The following AMD1 variants were observed in gnomAD, a reference collection of about 807,000 sequenced individuals.
The protein encoded by AMD1 is S-adenosylmethionine decarboxylase proenzyme.
AMD1 carries 11 observed loss-of-function variants against 40.2 expected under a neutral mutation model. The observed-to-expected ratio is 0.27, with a 90% CI of 0.17 to 0.45. The LOEUF is 0.45. Ranked by LOEUF, AMD1 falls within the 20% of genes least tolerant of loss-of-function variation. The pLI is 1.00. For synonymous variants in AMD1, 121 were observed against 130.8 expected, an observed-to-expected ratio of 0.93 and a Z score of 0.51; for missense variants, 257 against 410.2, an observed-to-expected ratio of 0.63 and a Z score of 3.23.
the AMD1 span, among the ~76,000 whole-genome samples, chr6:110,822,552 A>G: frequency 1.3e-5 from 2 of 152,318 alleles, no homozygotes; most frequent in Admixed American, 6.5e-5. Context: ...AACTCATTCT[A>G]TGAAGCCAGT....
the AMD1 span, among the ~76,000 whole-genome samples, chr6:110,861,367 A>G: frequency 6.6e-6 from 1 of 150,820 alleles, no homozygotes; most frequent in Admixed American, 6.6e-5. Flanking sequence ...CAAAAAAAAA[A>G]AAAAAAATTA....
the AMD1 span, among the ~76,000 whole-genome samples, chr6:110,835,682 A>G: frequency 0.012 from 1,877 of 152,182 alleles, 35 homozygotes; most frequent in African/African-American, 0.043. Flanking sequence ...CCTGGCCAAC[A>G]TGGTGAAATT....
the AMD1 span, among the ~76,000 whole-genome samples, chr6:110,836,505 A>G: frequency 9.9e-5 from 15 of 152,272 alleles, no homozygotes; most frequent in African/African-American, 3.6e-4. Flanking sequence ...AAAAAATTTG[A>G]CAAAATATTT....
upstream of AMD1, among the ~76,000 whole-genome samples, chr6:110,872,620 T>C (rs1784938113): frequency 6.6e-6 from 1 of 152,248 alleles, no homozygotes; most frequent in African/African-American, 2.4e-5. Flanking sequence ...AAGGGATTTT[T>C]ATTTTTATTA....
intron 1 of AMD1, among the ~76,000 whole-genome samples, chr6:110,886,110 C>A (rs745645289): frequency 1.3e-5 from 2 of 151,696 alleles, no homozygotes; most frequent in African/African-American, 4.8e-5. Context: ...CAAAAATTAG[C>A]CAGGTGTGGT....
rs397748331 is a variant in AMD1, at chr6:110,892,732, C to CCG, written c.616-3_616-2insCG. ...GTTAAACTCGGTCTTTTTCCCCCCC[C>CCG]AGGAGAGTGGAATTCGTGACCTGAT... On this transcript the variant is annotated splice_region_variant and splice_polypyrimidine_tract_variant and intron_variant, in intron 6 of 8. Transcript: ENST00000368885. 1 of 1,612,054 alleles carries CCG rather than the reference C, an allele frequency of 6.2e-7. No individual in the cohort carries two copies. The highest frequency in any genetic ancestry group is 1.7e-5 in the Admixed American group (1 of 59,948).
At chr6:110,882,237 G>A (rs139314254) in intron 1 of AMD1, among the ~76,000 whole-genome samples, 7 of 152,304 alleles carry the variant, frequency 4.6e-5, no homozygotes, top group East Asian at 3.9e-4. Flanking sequence ...TGGCTCTGTC[G>A]ACTGTATAAA....
the AMD1 span, among the ~76,000 whole-genome samples, chr6:110,824,814 C>T: frequency 6.6e-6 from 1 of 152,048 alleles, no homozygotes; most frequent in African/African-American, 2.4e-5. Context: ...GTAGAGTGAA[C>T]ATGAGAGCTA....
intron 1 of AMD1, among the ~76,000 whole-genome samples, chr6:110,883,741 G>A (rs986043395): frequency 1.3e-5 from 2 of 151,750 alleles, no homozygotes; most frequent in African/African-American, 2.4e-5. Flanking sequence ...ACAGGTGCCC[G>A]CCACCATGCC....
At chr6:110,885,465 C>T (rs928631324) in intron 1 of AMD1, among the ~76,000 whole-genome samples, 1 of 151,216 alleles carries the variant, frequency 6.6e-6, no homozygotes, top group Non-Finnish European at 1.5e-5. Flanking sequence ...GAGTCTCCCT[C>T]TGTTGCCCAG....
chr6:110,875,819 C>T (rs1438289348), intron 1 of AMD1, among the ~76,000 whole-genome samples: 1 of 152,096 alleles, frequency 6.6e-6, no homozygotes, highest in African/African-American at 2.4e-5. Flanking sequence ...GGGGATTGGG[C>T]GGGAGCAGTT....
the AMD1 span, among the ~76,000 whole-genome samples, chr6:110,867,465 A>C: frequency 6.6e-6 from 1 of 152,098 alleles, no homozygotes; most frequent in Non-Finnish European, 1.5e-5. Context: ...GGAGTTAGAG[A>C]CCAGCCTGGT....
At chr6:110,882,278 C>T (rs938024246) in intron 1 of AMD1, among the ~76,000 whole-genome samples, 1 of 152,316 alleles carries the variant, frequency 6.6e-6, no homozygotes, top group Non-Finnish European at 1.5e-5. Context: ...TTAATTTGAT[C>T]AGAAAGCAGA....
Position 110,888,948 on chromosome 6 carries a change from C to G in AMD1, c.289C>G (p.Leu97Val). ...GAAAGCACTGGTTCCCCTGTTGAAG[C>G]TTGCTAGGGATTACAGTGGGTTTGA... ...LLKALVPLLK[L>V]ARDYSGFDSI... The change falls in exon 3 of 9, where the codon CTT becomes GTT. Residue 97 changes from leucine to valine, a missense_variant. By Grantham distance (32) the Leu-to-Val change is conservative. This residue lies in a region of AMD1 where 192 missense variants were observed against 296.5 expected (regional missense o/e 0.65). Transcript: ENST00000368885. 4 of 1,613,990 alleles carry G rather than the reference C, an allele frequency of 2.5e-6. No homozygotes were observed. The highest frequency in any genetic ancestry group is 3.4e-6 in the Non-Finnish European group (4 of 1,179,962).
the AMD1 span, among the ~76,000 whole-genome samples, chr6:110,867,370 A>G: frequency 6.6e-6 from 1 of 152,052 alleles, no homozygotes; most frequent in Non-Finnish European, 1.5e-5. Flanking sequence ...TTATAACATA[A>G]AAAGTAAATA....
the AMD1 span, among the ~76,000 whole-genome samples, chr6:110,854,906 T>C: frequency 4.6e-5 from 7 of 152,132 alleles, no homozygotes; most frequent in Admixed American, 3.3e-4. Flanking sequence ...ACAGTATATA[T>C]GAGATTTTGC....
chr6:110,888,168 C>CTA (rs1245425501), intron 2 of AMD1: 1 of 152,222 alleles, frequency 6.6e-6, no homozygotes, highest in African/African-American at 2.4e-5. Flanking sequence ...GTTAGCTTCT[C>CTA]TATACAAATA....
the AMD1 span, among the ~76,000 whole-genome samples, chr6:110,826,408 C>T: frequency 6.6e-6 from 1 of 151,876 alleles, no homozygotes; most frequent in Non-Finnish European, 1.5e-5. Context: ...TCAGTTTCCT[C>T]AGGCTGCTGT....
intron 1 of AMD1, among the ~76,000 whole-genome samples, chr6:110,881,489 C>T (rs1292181134): frequency 2.0e-5 from 3 of 152,160 alleles, no homozygotes; most frequent in Non-Finnish European, 4.4e-5. Context: ...CTACATATTT[C>T]TTTGTGTTTT....
Sources: gnomAD v4.1 joint callset for allele counts (sites outside exome capture counted in the v4.1 genomes callset) on GRCh38, gnomAD v4.1.1 for gene constraint, gnomAD v4.1.1 regional missense constraint, MANE v1.5 for transcripts, NCBI Gene and HGNC (gene_info 2026-07-23, HGNC 2026-07-21) for gene names.